Variants in NLRP14 observed in about 807,000 individuals in gnomAD.
NLRP14 encodes NACHT, LRR and PYD domains-containing protein 14.
In NLRP14, 105 loss-of-function variants were observed where a neutral mutation model predicts 94.7. The ratio of observed to expected loss-of-function variants is 1.11; its 90% CI spans 0.95 to 1.30. The LOEUF is 1.30. Ranked by LOEUF, NLRP14 falls within the 50% of genes most tolerant of loss-of-function variation. The pLI, the probability that NLRP14 is intolerant of heterozygous loss-of-function variation, is 0.00. For missense variants in NLRP14, 1,362 were observed against 1,254.1 expected (o/e 1.09, Z -1.30); for synonymous variants, 508 against 459.9 (o/e 1.10, Z -1.34).
At chr11:7,059,535 G>T (rs547256949) in intron 8 of NLRP14, among the ~76,000 whole-genome samples, 3 of 151,794 alleles carry the variant, frequency 2.0e-5, no homozygotes, top group African/African-American at 7.3e-5. Context: ...TGAAAATGCC[G>T]CTTCTATTAC....
rs200607162 is a variant in NLRP14, at chr11:7,038,696, C to T, written c.110C>T (p.Thr37Ile). 1 of 1,613,994 alleles carries T rather than the reference C, an allele frequency of 6.2e-7. No homozygotes were observed. Among genetic ancestry groups the T allele is most frequent in the Admixed American group, 1.7e-5 (1 of 60,022 alleles). The change falls in exon 2 of 12, where the codon ACC (threonine) becomes ATC (isoleucine). Residue 37 changes from threonine (T) to isoleucine (I), a missense_variant. Transcript: ENST00000299481. ...ACATTCAAGTTATTCCTAAAGGAGACCATGGAACCTGAGCATGGCCTGACA... is the reference window on the plus strand; with the variant it reads ...ACATTCAAGTTATTCCTAAAGGAGATCATGGAACCTGAGCATGGCCTGACA... The part of the protein sequence containing the change: ...LNTFKLFLKE[T>I]MEPEHGLTPW...
At chr11:7,041,867 A>C (rs1309122826) in intron 3 of NLRP14, among the ~76,000 whole-genome samples, 1 of 152,132 alleles carries the variant, frequency 6.6e-6, no homozygotes, top group East Asian at 1.9e-4. Flanking sequence ...ATTCTATTTC[A>C]CTCAGGATGT....
rs1852276420 is a variant in NLRP14 at position 7,042,652 on chromosome 11, G to A, written c.626G>A (p.Arg209Lys). Reference protein sequence around the residue: ...DWAEGSLYQQRFKYVFYLNGR... With the variant: ...DWAEGSLYQQKFKYVFYLNGR... ...GCAGAGGGCAGTCTCTACCAGCAGA[G>A]GTTTAAGTATGTTTTTTATCTCAAT... The change falls in exon 4 of 12, where the codon AGG becomes AAG. Residue 209 changes from arginine (R) to lysine (K), a missense_variant. Transcript: ENST00000299481. 2 of 1,614,086 alleles carry A rather than the reference G, an allele frequency of 1.2e-6. No homozygotes were observed. Among genetic ancestry groups the A allele is most frequent in the Non-Finnish European group, 1.7e-6 (2 of 1,180,042 alleles).
intron 11 of NLRP14, 50 bp from the exon 12 acceptor site, chr11:7,071,123 G>A (rs377618455): frequency 2.5e-6 from 4 of 1,606,524 alleles, no homozygotes; most frequent in African/African-American, 2.7e-5. Context: ...AAAGTGGAGG[G>A]CTGTAGGGAA....
the NLRP14 span, chr11:7,089,939 T>A: frequency 6.2e-7 from 1 of 1,612,822 alleles, no homozygotes; most frequent in Non-Finnish European, 8.5e-7. Flanking sequence ...ACGGGGATCA[T>A]CTGAGCAGAG....
Position 7,039,787 on chromosome 11 carries a change from T to G in NLRP14, c.361+2T>G. 1.2e-6 allele frequency: 2 copies of G among 1,610,950 alleles called. No homozygotes were observed. The highest frequency in any genetic ancestry group is 1.7e-6 in the Non-Finnish European group (2 of 1,177,172). On this transcript the variant is annotated splice_donor_variant, in intron 3 of 11. Coordinates refer to ENST00000299481, the MANE Select transcript of NLRP14 (RefSeq NM_176822.4). LOFTEE classifies it high-confidence loss of function. ...AAGAAGATCAGGAGGCAGTGCTGGG[T>G]GAGTAGTTAGGCCTTTCATCAGATT...
intron 1 of NLRP14, 22 bp from the exon 2 acceptor site, chr11:7,038,544 G>A (rs907232913): frequency 1.9e-6 from 3 of 1,586,234 alleles, no homozygotes; most frequent in Admixed American, 1.7e-5. Flanking sequence ...TGTGCTTTTG[G>A]TTATTTTTTT....
At chr11:7,078,166 C>T in the NLRP14 span, among the ~76,000 whole-genome samples, 143 of 152,050 alleles carry the variant, frequency 9.4e-4, 2 homozygotes, top group East Asian at 3.9e-4. Flanking sequence ...AGGCTGGGTG[C>T]GGTGGCTCAT....
chr11:7,053,426 A>T (rs1012261358), intron 6 of NLRP14, among the ~76,000 whole-genome samples: 1 of 149,792 alleles, frequency 6.7e-6, no homozygotes, highest in Non-Finnish European at 1.5e-5. Context: ...AAAGATGCTC[A>T]TCATTTAGTT....
chr11:7,051,282 G>A (rs980890620), intron 6 of NLRP14, among the ~76,000 whole-genome samples: 1 of 152,178 alleles, frequency 6.6e-6, no homozygotes, highest in Non-Finnish European at 1.5e-5. Flanking sequence ...GCAATCAATG[G>A]TCCTATTAAC....
chr11:7,089,854 A>G, the NLRP14 span: 1 of 1,612,050 alleles, frequency 6.2e-7, no homozygotes, highest in Non-Finnish European at 8.5e-7. Context: ...GATTACGGCC[A>G]CTCCAGTGTC....
intron 3 of NLRP14, among the ~76,000 whole-genome samples, chr11:7,041,440 G>C (rs1455901709): frequency 1.3e-5 from 2 of 152,084 alleles, no homozygotes; most frequent in African/African-American, 4.8e-5. Context: ...TTTTCCAGGA[G>C]AGGATCATAT....
At chr11:7,074,993 G>A (rs1420699621), downstream of NLRP14, among the ~76,000 whole-genome samples, 1 of 152,174 alleles carries the variant, frequency 6.6e-6, no homozygotes, top group Admixed American at 6.5e-5. Flanking sequence ...GTGCACCTGG[G>A]GAAGATAAGC....
chr11:7,043,082 A>G lies in NLRP14; in HGVS notation c.1056A>G (p.Val352=), dbSNP rs1448256754. 2 of 1,614,140 alleles carry G rather than the reference A, an allele frequency of 1.2e-6. No individual in the cohort carries two copies. Among genetic ancestry groups the G allele is most frequent in the East Asian group, 4.5e-5 (2 of 44,880 alleles). The change falls in exon 4 of 12, where the codon GTA becomes GTG. Residue 352 remains valine, a synonymous_variant. Coordinates refer to ENST00000299481, the MANE Select transcript of NLRP14 (RefSeq NM_176822.4). ...AAGATAAGAGGTGGGCCATGAAAGTATTCAGTTCACTAAAAAGCAATGAGA... is the reference window on the plus strand; with the variant it reads ...AAGATAAGAGGTGGGCCATGAAAGTGTTCAGTTCACTAAAAAGCAATGAGA... ...FFEDKRWAMK[V]FSSLKSNEML...
At chr11:7,089,264 G>A in the NLRP14 span, 4 of 1,610,352 alleles carry the variant, frequency 2.5e-6, no homozygotes, top group African/African-American at 1.3e-5. Context: ...CCAACAAGTC[G>A]AGGGGCTTCG....
intron 6 of NLRP14, among the ~76,000 whole-genome samples, chr11:7,057,328 G>A (rs1000928670): frequency 3.3e-5 from 5 of 152,022 alleles, no homozygotes; most frequent in Admixed American, 1.3e-4. Flanking sequence ...AGAAGTCAGA[G>A]TGTAGAATAC....
intron 1 of NLRP14, among the ~76,000 whole-genome samples, chr11:7,035,046 C>G (rs1852142371): frequency 6.6e-6 from 1 of 152,216 alleles, no homozygotes; most frequent in Non-Finnish European, 1.5e-5. Flanking sequence ...AATCCCAGCA[C>G]TTTGGGAGGC....
chr11:7,069,411 A>T lies in NLRP14; in HGVS notation c.2976-875A>T, dbSNP rs567574410. On this transcript the variant is annotated intron_variant, in intron 10 of 11. Transcript: ENST00000299481. ...GGAGAATGTTAGATGCAGAAGGCTG[A>T]GTTTGACATACTTCCTCAGTTCACG... Among the ~76,000 whole-genome samples the T allele has an allele frequency of 7.9e-5, 12 of 152,336 alleles. 1 individual carries two copies. In the South Asian group the frequency reaches 2.3e-3, roughly 29 times the overall value.
intron 1 of NLRP14, among the ~76,000 whole-genome samples, chr11:7,025,724 A>C (rs1852005696): frequency 6.6e-6 from 1 of 152,172 alleles, no homozygotes; most frequent in Non-Finnish European, 1.5e-5. Flanking sequence ...TAATTTAAGA[A>C]CTAAAGAAAG....
Sources: allele counts gnomAD v4.1 joint callset (sites outside exome capture counted in the v4.1 genomes callset), GRCh38; gene constraint gnomAD v4.1.1; transcripts MANE v1.5; gene names NCBI Gene and HGNC (gene_info 2026-07-23, HGNC 2026-07-21).